The following ALCAM variants were observed in gnomAD, a reference collection of about 807,000 sequenced individuals.
ALCAM encodes activated leukocyte cell adhesion molecule.
ALCAM carries 30 observed loss-of-function variants against 70.9 expected under a neutral mutation model. The observed-to-expected ratio is 0.42, with a 90% confidence interval of 0.32 to 0.57. The LOEUF (loss-of-function observed/expected upper bound fraction) is 0.57. Among genes scored for constraint, ALCAM ranks in the 20% least tolerant of loss-of-function variants. The pLI, the probability that ALCAM is intolerant of heterozygous loss-of-function variation, is 0.11. For synonymous variants in ALCAM, 249 were observed against 242.5 expected (o/e 1.03, Z -0.25); for missense variants, 591 against 695.1 (o/e 0.85, Z 1.68).
chr3:105,547,909 A>C (rs1940291212), intron 11 of ALCAM, among the ~76,000 whole-genome samples: 1 of 151,500 alleles, frequency 6.6e-6, no homozygotes, highest in Non-Finnish European at 1.5e-5. Flanking sequence ...GTATAAGTGA[A>C]CTCTAATACT....
Position 105,520,135 on chromosome 3 carries a change from C to T in ALCAM, c.142C>T (p.Pro48Ser). The change falls in exon 2 of 16, where the codon CCT (proline) becomes TCT (serine). Residue 48 changes from proline to serine, a missense_variant. By Grantham distance (74) the Pro-to-Ser change is moderately conservative. This residue lies in a region of ALCAM where 427 missense variants were observed against 450.4 expected (regional missense o/e 0.95). Coordinates refer to ENST00000306107, the MANE Select transcript of ALCAM (RefSeq NM_001627.4). ...TIIIPCRLDV[P>S]QNLMFGKWKY... ...TATCATACCTTGCCGACTTGACGTA[C>T]CTCAGAATCTCATGTTTGGCAAATG... 1 of 1,612,764 alleles carries T rather than the reference C, an allele frequency of 6.2e-7. No individual in the cohort carries two copies. Among genetic ancestry groups the T allele is most frequent in the South Asian group, 1.1e-5 (1 of 91,016 alleles).
At chr3:105,370,442 G>A (rs537667824) in intron 1 of ALCAM, among the ~76,000 whole-genome samples, 1 of 152,090 alleles carries the variant, frequency 6.6e-6, no homozygotes, top group African/African-American at 2.4e-5. Flanking sequence ...ACCTTTTTGA[G>A]CTTCAGTTTT....
intron 12 of ALCAM, among the ~76,000 whole-genome samples, chr3:105,551,823 TA>T (rs1186145649): frequency 6.6e-6 from 1 of 151,612 alleles, no homozygotes; most frequent in East Asian, 1.9e-4. Flanking sequence ...CTTGCTTCCC[TA>T]AAAAAAGAAT....
chr3:105,458,277 T>C (rs1937560564), intron 1 of ALCAM, among the ~76,000 whole-genome samples: 1 of 152,190 alleles, frequency 6.6e-6, no homozygotes, highest in Non-Finnish European at 1.5e-5. Context: ...GTTACTTTAA[T>C]GTATCTTGAG....
intron 1 of ALCAM, among the ~76,000 whole-genome samples, chr3:105,374,456 C>T (rs1384459231): frequency 6.6e-6 from 1 of 152,070 alleles, no homozygotes; most frequent in Non-Finnish European, 1.5e-5. Flanking sequence ...TAAACTTTCC[C>T]ATGGTGGAAT....
chr3:105,422,172 C>T (rs777605397), intron 1 of ALCAM, among the ~76,000 whole-genome samples: 3 of 151,322 alleles, frequency 2.0e-5, no homozygotes, highest in Non-Finnish European at 3.0e-5. Flanking sequence ...AACATTTTTA[C>T]GTTGCTTTCT....
rs758659906 is a variant in ALCAM, at chr3:105,524,326, G to T, written c.212G>T (p.Arg71Ile). The change falls in exon 3 of 16, where the codon AGA (arginine) becomes ATA (isoleucine). Residue 71 changes from arginine (R) to isoleucine (I), a missense_variant. By Grantham distance (97) the Arg-to-Ile change is moderately conservative. Around this residue, in one of 2 missense-constraint regions of ALCAM, gnomAD observed 427 missense variants for 450.4 expected, o/e 0.95. Coordinates refer to ENST00000306107, the MANE Select transcript of ALCAM (RefSeq NM_001627.4). ...PDGSPVFIAF[R>I]SSTKKSVQYD... is the part of the protein sequence containing the mutation. Reference sequence around the variant, plus strand: ...GGCTCCCCAGTATTTATTGCCTTCAGATCCTCTACAAAGAAAAGTGTGCAG... The same window carrying T: ...GGCTCCCCAGTATTTATTGCCTTCATATCCTCTACAAAGAAAAGTGTGCAG... The T allele has an allele frequency of 6.2e-7, 1 of 1,614,098 alleles. No individual in the cohort carries two copies. Among genetic ancestry groups the T allele is most frequent in the Non-Finnish European group, 8.5e-7 (1 of 1,179,988 alleles).
rs183961123 is a variant in ALCAM at position 105,458,426 on chromosome 3, A to C, written c.74-61641A>C. On this transcript the variant is annotated intron_variant, in intron 1 of 15. Transcript: ENST00000306107. ...CAAAGGAGATCCTACTCCAGCATGC[A>C]GAGAAATGTAAAATGGCTTTAATCA... is the stretch of plus-strand genomic sequence containing the variant. Among the ~76,000 whole-genome samples, 583 of 152,316 alleles carry C rather than the reference A, an allele frequency of 3.8e-3. 1 individual carries two copies. The highest frequency in any genetic ancestry group is 6.8e-3 in the Middle Eastern group (2 of 294).
At chr3:105,491,234 TGCACAAAACA>T (rs1938577076) in intron 1 of ALCAM, among the ~76,000 whole-genome samples, 1 of 152,156 alleles carries the variant, frequency 6.6e-6, no homozygotes. Context: ...GTCCAAAGGC[TGCACAAAACA>T]GCAAGACCCT....
At chr3:105,418,805 T>G (rs1439027338) in intron 1 of ALCAM, among the ~76,000 whole-genome samples, 1 of 151,482 alleles carries the variant, frequency 6.6e-6, no homozygotes, top group East Asian at 1.9e-4. Context: ...GGTTCTAGAG[T>G]TTTCCAGATA....
At chr3:105,518,510 A>G (rs1046873503) in intron 1 of ALCAM, among the ~76,000 whole-genome samples, 1 of 152,138 alleles carries the variant, frequency 6.6e-6, no homozygotes, top group East Asian at 1.9e-4. Flanking sequence ...CCTAAATGTT[A>G]TTAGTCTGCA....
At chr3:105,421,186 G>C (rs549227210) in intron 1 of ALCAM, among the ~76,000 whole-genome samples, 13 of 151,482 alleles carry the variant, frequency 8.6e-5, no homozygotes, top group African/African-American at 3.1e-4. Context: ...TGAACAAATA[G>C]GTTCAGAGAG....
intron 1 of ALCAM, among the ~76,000 whole-genome samples, chr3:105,494,572 CA>C (rs1938683247): frequency 6.6e-6 from 1 of 151,994 alleles, no homozygotes; most frequent in African/African-American, 2.4e-5. Flanking sequence ...TGTCAGACAA[CA>C]ATTCTTTCTT....
intron 1 of ALCAM, among the ~76,000 whole-genome samples, chr3:105,474,618 A>C (rs751902639): frequency 1.9e-4 from 29 of 151,634 alleles, no homozygotes; most frequent in Admixed American, 4.0e-4. Context: ...AGAGAGAGAG[A>C]GCGAGAAAGA....
chr3:105,546,951 A>C (rs1205181523), intron 9 of ALCAM, among the ~76,000 whole-genome samples, 198 bp from the exon 10 acceptor site: 1 of 151,488 alleles, frequency 6.6e-6, no homozygotes, highest in Non-Finnish European at 1.5e-5. Flanking sequence ...AAAGAGCGTG[A>C]AATAAAAATC....
intron 1 of ALCAM, among the ~76,000 whole-genome samples, chr3:105,415,776 G>T (rs1936493269): frequency 1.3e-5 from 2 of 151,964 alleles, no homozygotes; most frequent in African/African-American, 4.8e-5. Flanking sequence ...TTGCTTTGAT[G>T]CAACCATAAA....
At chr3:105,481,738 G>T (rs1408733873) in intron 1 of ALCAM, among the ~76,000 whole-genome samples, 1 of 151,892 alleles carries the variant, frequency 6.6e-6, no homozygotes, top group Non-Finnish European at 1.5e-5. Context: ...GGAATCAGAG[G>T]TTTTCTTTTT....
chr3:105,367,120 C>T lies in ALCAM; in HGVS notation c.-289C>T, dbSNP rs1315363462. On this transcript the variant is annotated 5_prime_UTR_variant, in exon 1 of 16. Transcript: ENST00000306107. ...GAACCGCTTACACCTTTCCGAATTA[C>T]TCAAGTGTCTCCTGGAAACAGAGGG... 2 of 439,788 alleles carry T rather than the reference C, an allele frequency of 4.5e-6. No homozygotes were observed. Among genetic ancestry groups the T allele is most frequent in the Non-Finnish European group, 4.2e-6 (1 of 238,110 alleles). 27.2% of individuals were successfully genotyped at this position (439,788 alleles called of 1,614,324 possible). A position where few individuals can be genotyped will look rare whatever the true frequency, so the allele number is the denominator to read the frequency against.
intron 1 of ALCAM, among the ~76,000 whole-genome samples, chr3:105,462,671 A>G (rs1312225095): frequency 6.6e-6 from 1 of 151,460 alleles, no homozygotes; most frequent in East Asian, 1.9e-4. Flanking sequence ...AAAGTAAATT[A>G]TAGAACAGAA....
Sources: allele counts gnomAD v4.1 joint callset (sites outside exome capture counted in the v4.1 genomes callset), GRCh38; gene constraint gnomAD v4.1.1; regional missense constraint gnomAD v4.1.1; transcripts MANE v1.5; gene names NCBI Gene and HGNC (gene_info 2026-07-23, HGNC 2026-07-21).